IQSEC1: variants seen among roughly 807,000 people sequenced by gnomAD.
IQSEC1 encodes IQ motif and Sec7 domain ArfGEF 1, also known as IQ motif and SEC7 domain-containing protein 1.
IQSEC1 carries 31 observed loss-of-function variants against 91.0 expected under a neutral mutation model. That is an observed-to-expected ratio of 0.34 (90% CI 0.26 to 0.46). IQSEC1 has a LOEUF of 0.46. IQSEC1 is among the 20% of genes least tolerant of loss of function. The probability of loss-of-function intolerance (pLI) is 1.00; values close to 1 mark genes in which losing one functional copy is unlikely to be tolerated. For missense variants in IQSEC1, 1,388 were observed against 1,575.6 expected (o/e 0.88, Z 2.02); for synonymous variants, 699 against 662.6 (o/e 1.05, Z -0.84).
intron 2 of IQSEC1, among the ~76,000 whole-genome samples, chr3:13,123,629 G>A (rs1325764549): frequency 6.6e-6 from 1 of 152,218 alleles, no homozygotes; most frequent in Non-Finnish European, 1.5e-5. Flanking sequence ...TCAGGTACAA[G>A]GCCAAGCGTC....
At position 13,073,185 on chromosome 3, in the gene IQSEC1, A is replaced by C; in HGVS notation, c.-171T>G. The C allele has an allele frequency of 5.7e-6, 3 of 526,450 alleles. No homozygotes were observed. The highest frequency in any genetic ancestry group is 1.0e-5 in the Non-Finnish European group (3 of 291,620). 32.6% of individuals were successfully genotyped at this position (526,450 alleles called of 1,614,324 possible). ...GCTCCTCCAGGGAGGCTGGGGCGGGAGCGGGGGGCGGCGCCAGCAGCGGGC... is the reference window on the plus strand; with the variant it reads ...GCTCCTCCAGGGAGGCTGGGGCGGGCGCGGGGGGCGGCGCCAGCAGCGGGC... On this transcript the variant is annotated 5_prime_UTR_variant, in exon 1 of 14. Coordinates refer to ENST00000613206, the MANE Select transcript of IQSEC1 (RefSeq NM_001134382.3).
Position 13,259,846 on chromosome 3 carries a change from C to A in IQSEC1, c.272+22865G>T, listed in dbSNP as rs150875484. Among the ~76,000 whole-genome samples, 1 of 152,250 alleles carries A rather than the reference C, an allele frequency of 6.6e-6. No individual in the cohort carries two copies. Among genetic ancestry groups the A allele is most frequent in the African/African-American group, 2.4e-5 (1 of 41,470 alleles). On this transcript the variant is annotated intron_variant, in intron 1 of 15. Transcript: ENST00000648114. The surrounding 1 kb of genome is among the most constrained non-coding windows in gnomAD (Gnocchi z 4.6). ...GGTCAACGGGGCTTGCTTGTTGTGG[C>A]GCTCAGCGGGAGAAGTTTCTACCAT... is the stretch of plus-strand genomic sequence containing the variant.
At chr3:13,185,959 C>T (rs1693924129) in intron 1 of IQSEC1, among the ~76,000 whole-genome samples, 1 of 152,240 alleles carries the variant, frequency 6.6e-6, no homozygotes, top group East Asian at 1.9e-4. Context: ...AAATGCCCTT[C>T]AGAGAAGACA....
At chr3:12,921,179 C>T (rs1008444997) in intron 5 of IQSEC1, among the ~76,000 whole-genome samples, 1 of 152,124 alleles carries the variant, frequency 6.6e-6, no homozygotes, top group African/African-American at 2.4e-5. Flanking sequence ...CTGGTGACCT[C>T]GTGGAGGGGC....
chr3:13,120,869 G>A (rs1193509205), intron 2 of IQSEC1, among the ~76,000 whole-genome samples: 3 of 152,218 alleles, frequency 2.0e-5, no homozygotes, highest in Non-Finnish European at 2.9e-5. Context: ...CATGAATTAA[G>A]TCCTCGCACT....
intron 2 of IQSEC1, among the ~76,000 whole-genome samples, chr3:13,089,299 T>C (rs1027793471): frequency 6.6e-6 from 1 of 152,212 alleles, no homozygotes; most frequent in Non-Finnish European, 1.5e-5. Flanking sequence ...GAAATAAAAT[T>C]TGGGGAGCAC....
At chr3:13,236,905 C>A (rs1694939167) in intron 1 of IQSEC1, among the ~76,000 whole-genome samples, 1 of 152,146 alleles carries the variant, frequency 6.6e-6, no homozygotes, top group Non-Finnish European at 1.5e-5. Flanking sequence ...AAATGCCCCC[C>A]TCCAGCCAGG....
chr3:13,054,977 A>G (rs1347966616), intron 1 of IQSEC1, among the ~76,000 whole-genome samples: 3 of 152,226 alleles, frequency 2.0e-5, no homozygotes, highest in African/African-American at 7.2e-5. Flanking sequence ...GGGCTGCTAC[A>G]CTGGCTGACG....
intron 1 of IQSEC1, among the ~76,000 whole-genome samples, chr3:13,210,671 G>T (rs981626071): frequency 7.9e-5 from 12 of 152,222 alleles, no homozygotes; most frequent in African/African-American, 2.9e-4. Flanking sequence ...TAACAGCCGG[G>T]GCTCCTCCGC....
chr3:12,976,073 GT>G (rs1193163297), intron 1 of IQSEC1, among the ~76,000 whole-genome samples: 1 of 152,246 alleles, frequency 6.6e-6, no homozygotes, highest in African/African-American at 2.4e-5. Context: ...TGTCTCTTAG[GT>G]TGCTGAAAAG....
chr3:12,898,736 G>A lies in IQSEC1; in HGVS notation c.*2247C>T, dbSNP rs767031349. ...CAATATGTAATCGCTTTACTTCAAC[G>A]ATGTGTTTACAGTCACGCCAATACA... On this transcript the variant is annotated 3_prime_UTR_variant, in exon 14 of 14. Coordinates refer to ENST00000613206, the MANE Select transcript of IQSEC1 (RefSeq NM_001134382.3). The A allele has an allele frequency of 3.9e-5, 6 of 152,392 alleles. No individual in the cohort carries two copies. Among genetic ancestry groups the A allele is most frequent in the East Asian group, 1.9e-4 (1 of 5,194 alleles). 9.4% of individuals were successfully genotyped at this position (152,392 alleles called of 1,614,324 possible).
Position 12,970,206 on chromosome 3 carries a change from C to T in IQSEC1, c.24-28341G>A, listed in dbSNP as rs984244239. On this transcript the variant is annotated intron_variant, in intron 1 of 13. Coordinates refer to ENST00000613206, the MANE Select transcript of IQSEC1 (RefSeq NM_001134382.3). This position sits in a 1 kb window ranked among gnomAD's most constrained non-coding sequence, Gnocchi z 4.4. The stretch of plus-strand genomic sequence containing the variant: ...CCTCAGTGGGGAAACACTGCTGTGA[C>T]AAGTATTCCCCAGTATGGTGTCGTG... Among the ~76,000 whole-genome samples the T allele has an allele frequency of 2.6e-5, 4 of 152,206 alleles. No individual in the cohort carries two copies. Among genetic ancestry groups the T allele is most frequent in the Admixed American group, 1.3e-4 (2 of 15,292 alleles).
intron 12 of IQSEC1, among the ~76,000 whole-genome samples, chr3:12,903,844 G>A (rs947822780): frequency 2.6e-5 from 4 of 152,194 alleles, no homozygotes; most frequent in South Asian, 4.1e-4. Flanking sequence ...TGAGCGCTGC[G>A]CTGGACATGT....
At chr3:13,237,186 T>C (rs1694945310) in intron 1 of IQSEC1, among the ~76,000 whole-genome samples, 1 of 152,166 alleles carries the variant, frequency 6.6e-6, no homozygotes, top group Admixed American at 6.5e-5. Flanking sequence ...AATTTACAAA[T>C]GTAAAGGGTC....
rs866274367 is a variant in IQSEC1 at position 12,901,333 on chromosome 3, C to G, written c.2995G>C (p.Val999Leu). 5.9e-6 allele frequency: 9 copies of G among 1,528,672 alleles called. No individual in the cohort carries two copies. The highest frequency in any genetic ancestry group is 5.6e-5 in the African/African-American group (4 of 71,428). 94.7% of individuals were successfully genotyped at this position (1,528,672 alleles called of 1,614,324 possible). Residue 999 changes from valine (V) to leucine (L), a missense_variant, in exon 14 of 14, where the codon GTG (valine) becomes CTG (leucine). Coordinates refer to ENST00000613206, the MANE Select transcript of IQSEC1 (RefSeq NM_001134382.3). The part of the protein sequence containing the change: ...APALPPPHPP[V>L]VLPHLQHSVA... ...GAGTGCTGCAAGTGAGGCAGGACCA[C>G]CGGTGGGTGGGGGGGTGGCAGGGCT...
chr3:12,921,799 G>A (rs1220691636), intron 5 of IQSEC1, among the ~76,000 whole-genome samples: 3 of 152,240 alleles, frequency 2.0e-5, no homozygotes, highest in Non-Finnish European at 4.4e-5. Flanking sequence ...TAGAGGAAGA[G>A]CATTCAGAAT....
intron 1 of IQSEC1, among the ~76,000 whole-genome samples, chr3:13,223,572 A>G (rs1694698699): frequency 6.6e-6 from 1 of 152,200 alleles, no homozygotes; most frequent in Admixed American, 6.5e-5. Flanking sequence ...CCCTCCCAGC[A>G]GAAGGGCAGG....
intron 1 of IQSEC1, among the ~76,000 whole-genome samples, chr3:13,032,836 G>A (rs921894290): frequency 1.3e-5 from 2 of 151,974 alleles, no homozygotes; most frequent in South Asian, 2.1e-4. Flanking sequence ...CGCCTGCCTC[G>A]GCCTCCCAAA....
chr3:13,150,091 T>C (rs1706968973), intron 2 of IQSEC1, among the ~76,000 whole-genome samples: 1 of 152,116 alleles, frequency 6.6e-6, no homozygotes, highest in Admixed American at 6.5e-5. Flanking sequence ...ACACAACCTC[T>C]AGACCAGCCC....
Sources: gnomAD v4.1 joint callset for allele counts (sites outside exome capture counted in the v4.1 genomes callset) on GRCh38, gnomAD v4.1.1 for gene constraint, Gnocchi (gnomAD v3.1) non-coding constraint, MANE v1.5 for transcripts, NCBI Gene and HGNC (gene_info 2026-07-23, HGNC 2026-07-21) for gene names.